Variants in ZMYM1 observed in about 807,000 individuals in gnomAD.
ZMYM1 encodes the protein zinc finger MYM-type containing 1, also known as zinc finger MYM-type protein 1.
A neutral mutation model predicts 60.0 loss-of-function variants in ZMYM1; 39 were observed. The observed-to-expected ratio is 0.65, with a 90% CI of 0.50 to 0.85. The LOEUF is 0.85. Among genes scored for constraint, ZMYM1 ranks in the 40% least tolerant of loss-of-function variants. The probability of loss-of-function intolerance (pLI) is 0.00; values close to 1 mark genes in which losing one functional copy is unlikely to be tolerated. For missense variants in ZMYM1, 1,171 were observed against 1,309.5 expected, an observed-to-expected ratio of 0.89 and a Z score of 1.63; for synonymous variants, 413 against 454.0, an observed-to-expected ratio of 0.91 and a Z score of 1.15.
chr1:35,101,199 C>T (rs1643634158), intron 4 of ZMYM1, among the ~76,000 whole-genome samples: 1 of 150,240 alleles, frequency 6.7e-6, no homozygotes, highest in Non-Finnish European at 1.5e-5. Flanking sequence ...ACCTCCGCCT[C>T]CCAGGTTCAA....
chr1:35,076,558 T>C (rs921656380), upstream of ZMYM1, among the ~76,000 whole-genome samples: 7 of 151,704 alleles, frequency 4.6e-5, no homozygotes, highest in African/African-American at 1.5e-4. Context: ...GAGGTGAAGG[T>C]TGCGGTGAGC....
intron 1 of ZMYM1, among the ~76,000 whole-genome samples, chr1:35,084,306 C>G (rs573404346): frequency 6.6e-6 from 1 of 151,830 alleles, no homozygotes; most frequent in East Asian, 1.9e-4. Flanking sequence ...GGGTTTGTTT[C>G]TATTGCCATT....
At chr1:35,100,772 A>G (rs577322002) in intron 4 of ZMYM1, among the ~76,000 whole-genome samples, 1 of 151,804 alleles carries the variant, frequency 6.6e-6, no homozygotes, top group East Asian at 1.9e-4. Flanking sequence ...GGTTTGATTT[A>G]TTTATCGGAA....
intron 4 of ZMYM1, among the ~76,000 whole-genome samples, chr1:35,101,341 C>T (rs537699948): frequency 4.0e-5 from 6 of 150,988 alleles, no homozygotes; most frequent in Admixed American, 2.0e-4. Flanking sequence ...AACTCCTGAC[C>T]TCAGGTATCT....
intron 1 of ZMYM1, among the ~76,000 whole-genome samples, chr1:35,066,771 C>T (rs1398835837): frequency 6.6e-6 from 1 of 152,008 alleles, no homozygotes; most frequent in Admixed American, 6.6e-5. Context: ...GTTCCAACTA[C>T]TGAGGAAGCT....
chr1:35,112,727 C>T (rs538082293), intron 9 of ZMYM1, among the ~76,000 whole-genome samples: 13 of 150,472 alleles, frequency 8.6e-5, no homozygotes, highest in African/African-American at 2.9e-4. Flanking sequence ...AAAAATACTA[C>T]ACAATTTGAG....
At chr1:35,095,597 G>T (rs1643268127) in intron 2 of ZMYM1, among the ~76,000 whole-genome samples, 1 of 151,402 alleles carries the variant, frequency 6.6e-6, no homozygotes, top group Non-Finnish European at 1.5e-5. Context: ...CAAAGATTTT[G>T]ATGTCACACC....
intron 1 of ZMYM1, among the ~76,000 whole-genome samples, chr1:35,067,231 G>A (rs1045854313): frequency 2.0e-5 from 3 of 152,140 alleles, no homozygotes; most frequent in Admixed American, 1.3e-4. Flanking sequence ...TGTCCACCTT[G>A]GCCTCTCAAA....
chr1:35,068,122 T>C (rs979288210), intron 1 of ZMYM1, among the ~76,000 whole-genome samples: 1 of 151,222 alleles, frequency 6.6e-6, no homozygotes, highest in African/African-American at 2.4e-5. Context: ...ACTACTGTAA[T>C]CAAGAAATTG....
intron 4 of ZMYM1, among the ~76,000 whole-genome samples, chr1:35,103,252 C>T (rs1329035651): frequency 6.6e-6 from 1 of 152,158 alleles, no homozygotes. Flanking sequence ...TAAGCAGTTT[C>T]TCCTAATTTC....
chr1:35,087,954 A>T (rs912830288), intron 1 of ZMYM1, among the ~76,000 whole-genome samples: 1 of 151,898 alleles, frequency 6.6e-6, no homozygotes, highest in African/African-American at 2.4e-5. Context: ...CCAGCTACTC[A>T]GGAGGCTGAG....
In ZMYM1 at chr1:35,114,134, A is replaced by G. The variant is rs563214524; in HGVS notation, c.2304A>G (p.Leu768=). The G allele has an allele frequency of 2.4e-5, 39 of 1,610,114 alleles. No individual in the cohort carries two copies. In the East Asian group the frequency reaches 7.6e-4, roughly 31 times the overall value. Residue 768 remains leucine (L), a synonymous_variant, in exon 10 of 10, where the codon CTA becomes CTG. Coordinates refer to ENST00000359858, the MANE Select transcript of ZMYM1 (RefSeq NM_024772.5). ...CKEVKELRSA[L]KTLSSLFNTI... Reference sequence around the variant, plus strand: ...AAGTAAAAGAACTCCGAAGTGCTCTAAAAACTCTCAGTTCTTTGTTCAACA... The same window carrying G: ...AAGTAAAAGAACTCCGAAGTGCTCTGAAAACTCTCAGTTCTTTGTTCAACA...
rs71029065 is a variant in ZMYM1, at chr1:35,089,738, C to CTTTTTTTTTT, written c.-74-4160_-74-4151dup. Among the ~76,000 whole-genome samples, 151 of 60,998 alleles carry CTTTTTTTTTT rather than the reference C, an allele frequency of 2.5e-3. 11 individuals are homozygous for CTTTTTTTTTT. The highest frequency in any genetic ancestry group is 3.3e-3 in the Non-Finnish European group (124 of 37,506). 40.0% of individuals were successfully genotyped at this position (60,998 alleles called of 152,430 possible). ...CCCTCCATAATGATTAGTTGTAAGG[C>CTTTTTTTTTT]TTTTTTTTTTTTTTTTTTTTTTTTT... On this transcript the variant is annotated intron_variant, in intron 1 of 9. Coordinates refer to ENST00000359858, the MANE Select transcript of ZMYM1 (RefSeq NM_024772.5).
At chr1:35,104,954 T>C (rs1214717277) in intron 6 of ZMYM1, among the ~76,000 whole-genome samples, 185 bp downstream of exon 6, 2 of 152,166 alleles carry the variant, frequency 1.3e-5, no homozygotes, top group Non-Finnish European at 2.9e-5. Flanking sequence ...TATGGAGATT[T>C]TCCTAAATAA....
At chr1:35,086,486 T>C (rs971386044) in intron 1 of ZMYM1, among the ~76,000 whole-genome samples, 1 of 152,072 alleles carries the variant, frequency 6.6e-6, no homozygotes, top group Non-Finnish European at 1.5e-5. Flanking sequence ...GACTGTTTGT[T>C]GCTAAATTTG....
chr1:35,068,201 T>C (rs977548181), intron 1 of ZMYM1, among the ~76,000 whole-genome samples: 2 of 151,724 alleles, frequency 1.3e-5, no homozygotes, highest in Non-Finnish European at 2.9e-5. Flanking sequence ...GGAGGATCAT[T>C]TGAGGCCAGG....
rs1393150324 is a variant in ZMYM1 at position 35,111,813 on chromosome 1, C to T, written c.1003C>T (p.Leu335Phe). The T allele has an allele frequency of 6.2e-7, 1 of 1,607,360 alleles. No homozygotes were observed. Among genetic ancestry groups the T allele is most frequent in the Admixed American group, 1.7e-5 (1 of 59,480 alleles). ...SVVHDTSTEL[L>F]SPKKDTTPVI... ...GGTGCATGATACTTCAACAGAGCTT[C>T]TTTCTCCAAAGAAAGATACGACTCC... is the stretch of plus-strand genomic sequence containing the variant. The change falls in exon 8 of 10, where the codon CTT becomes TTT. Residue 335 changes from leucine (L) to phenylalanine (F), a missense_variant. Transcript: ENST00000359858.
rs1386156715 is a variant in ZMYM1, at chr1:35,113,913, A to G, written c.2083A>G (p.Arg695Gly). Residue 695 changes from arginine to glycine, a missense_variant, in exon 10 of 10, where the codon AGG becomes GGG. By Grantham distance (125) the Arg-to-Gly change is moderately radical. Transcript: ENST00000359858. ...GGAGATGACTGGGACCCACTTACAT[A>G]GGACTATCAAAACTTATCTGCAGCA... ...TEEMTGTHLH[R>G]TIKTYLQQIG... 1 of 1,613,820 alleles carries G rather than the reference A, an allele frequency of 6.2e-7. No individual in the cohort carries two copies. Among genetic ancestry groups the G allele is most frequent in the African/African-American group, 1.3e-5 (1 of 74,902 alleles).
chr1:35,086,468 C>G (rs1238649858), intron 1 of ZMYM1, among the ~76,000 whole-genome samples: 1 of 151,928 alleles, frequency 6.6e-6, no homozygotes, highest in Non-Finnish European at 1.5e-5. Context: ...TTATAAAAAG[C>G]AGAAAATGAC....
Sources: allele counts gnomAD v4.1 joint callset (sites outside exome capture counted in the v4.1 genomes callset), GRCh38; gene constraint gnomAD v4.1.1; transcripts MANE v1.5; gene names NCBI Gene and HGNC (gene_info 2026-07-23, HGNC 2026-07-21).